The following TNIP3 variants were observed in gnomAD, a reference collection of about 807,000 sequenced individuals.
TNIP3 encodes TNFAIP3 interacting protein 3.
A neutral mutation model predicts 54.1 loss-of-function variants in TNIP3; 34 were observed. The ratio of observed to expected loss-of-function variants is 0.63; its 90% CI spans 0.48 to 0.84. The LOEUF is 0.84. TNIP3 is among the 40% of genes least tolerant of loss of function. The pLI, the probability that TNIP3 is intolerant of heterozygous loss-of-function variation, is 0.00. For missense variants in TNIP3, 366 were observed against 387.6 expected, an observed-to-expected ratio of 0.94 and a Z score of 0.47; for synonymous variants, 134 against 136.8, an observed-to-expected ratio of 0.98 and a Z score of 0.14.
At chr4:121,215,481 A>G (rs984054491) in intron 2 of TNIP3, among the ~76,000 whole-genome samples, 2 of 152,156 alleles carry the variant, frequency 1.3e-5, no homozygotes, top group Non-Finnish European at 1.5e-5. Flanking sequence ...TCTTTTTACT[A>G]CACACCACCT....
chr4:121,177,651 AG>A (rs1277963662), intron 3 of TNIP3, among the ~76,000 whole-genome samples: 1 of 152,220 alleles, frequency 6.6e-6, no homozygotes, highest in Non-Finnish European at 1.5e-5. Flanking sequence ...AACTTCATTC[AG>A]TGTGAAAACA....
chr4:121,153,132 G>C (rs894018684), intron 5 of TNIP3, among the ~76,000 whole-genome samples: 1 of 151,986 alleles, frequency 6.6e-6, no homozygotes, highest in Non-Finnish European at 1.5e-5. Flanking sequence ...TTTTCTCATT[G>C]AGATTTTATA....
upstream of TNIP3, among the ~76,000 whole-genome samples, chr4:121,217,967 G>A (rs957546119): frequency 1.3e-5 from 2 of 152,106 alleles, no homozygotes; most frequent in African/African-American, 4.8e-5. Context: ...GAACTCCAGA[G>A]AAAACAAATG....
At chr4:121,138,426 C>G (rs560226040) in intron 10 of TNIP3, among the ~76,000 whole-genome samples, 198 bp downstream of exon 10, 52 of 152,252 alleles carry the variant, frequency 3.4e-4, no homozygotes, top group Non-Finnish European at 7.1e-4. Context: ...GAGGTTCATG[C>G]ATTTCTGCAT....
intron 2 of TNIP3, among the ~76,000 whole-genome samples, chr4:121,199,857 G>A (rs1271988198): frequency 6.6e-6 from 1 of 152,202 alleles, no homozygotes; most frequent in East Asian, 1.9e-4. Context: ...GTAGGTTGCT[G>A]TGTAACAGCA....
chr4:121,189,765 T>G (rs370953247), intron 2 of TNIP3, among the ~76,000 whole-genome samples: 3 of 152,362 alleles, frequency 2.0e-5, no homozygotes, highest in South Asian at 4.1e-4. Flanking sequence ...GAATTGTATT[T>G]GCATGTCTGA....
intron 9 of TNIP3, among the ~76,000 whole-genome samples, chr4:121,141,159 T>C (rs768922795): frequency 2.0e-5 from 3 of 152,156 alleles, no homozygotes; most frequent in Non-Finnish European, 4.4e-5. Context: ...TTTCTATCTA[T>C]GTAGGCAAAA....
chr4:121,179,215 G>A (rs1724540804), intron 3 of TNIP3, among the ~76,000 whole-genome samples: 1 of 152,186 alleles, frequency 6.6e-6, no homozygotes, highest in South Asian at 2.1e-4. Flanking sequence ...ATAGCAGAAT[G>A]TATAGAAGAC....
At chr4:121,157,336 G>T in intron 3 of TNIP3, 93 bp from the exon 4 acceptor site, 4 of 1,534,328 alleles carry the variant, frequency 2.6e-6, no homozygotes, top group East Asian at 4.5e-5. Flanking sequence ...TGGCAGAAAC[G>T]CCCCACCCCA....
chr4:121,139,837 C>T (rs1442316459), intron 9 of TNIP3, among the ~76,000 whole-genome samples: 8 of 152,164 alleles, frequency 5.3e-5, no homozygotes, highest in South Asian at 2.1e-4. Context: ...GGATAAGTGA[C>T]GTGAGCCTCA....
chr4:121,214,538 G>A (rs542468871), intron 2 of TNIP3, among the ~76,000 whole-genome samples: 9 of 152,278 alleles, frequency 5.9e-5, no homozygotes, highest in African/African-American at 2.2e-4. Flanking sequence ...AATATGGAGA[G>A]GTGGCCGGGT....
chr4:121,169,119 C>A (rs1421494863), upstream of TNIP3, among the ~76,000 whole-genome samples: 2 of 152,104 alleles, frequency 1.3e-5, no homozygotes, highest in East Asian at 1.9e-4. Context: ...TGCTCAGAAC[C>A]TTTCAGTGGC....
At chr4:121,216,739 A>G, upstream of TNIP3, 1 of 783,974 alleles carries the variant, frequency 1.3e-6, no homozygotes. Context: ...CAGTGAGTTA[A>G]GGAAGAATCT....
intron 10 of TNIP3, chr4:121,137,782 A>G (rs925274398): frequency 5.6e-6 from 2 of 357,110 alleles, no homozygotes; most frequent in East Asian, 1.5e-4. Context: ...AAATTAGACT[A>G]CATAGCTCAT....
intron 7 of TNIP3, 148 bp downstream of exon 7, chr4:121,146,901 A>G: frequency 1.3e-6 from 1 of 759,590 alleles, no homozygotes; most frequent in Non-Finnish European, 1.9e-6. Context: ...ATCTCTTTAC[A>G]AGATTGTTTA....
In TNIP3 at chr4:121,157,135, T is replaced by C. The variant is rs749368410; in HGVS notation, c.322A>G (p.Arg108Gly). 14 of 1,613,250 alleles carry C rather than the reference T, an allele frequency of 8.7e-6. No individual in the cohort carries two copies. Among genetic ancestry groups the C allele is most frequent in the Admixed American group, 3.3e-5 (2 of 59,936 alleles). Residue 108 changes from arginine to glycine, a missense_variant, in exon 4 of 11, where the codon AGG becomes GGG. Physicochemically the swap from Arg to Gly is moderately radical, Grantham distance 125 (BLOSUM62 -2). Transcript: ENST00000057513. ...CGGTCCCGGGTCAGGTCGCGCTGCC[T>C]GTCGTCCTCTCTCTGCCTGTCGTCC... ...RKDDRQREDD[R>G]QRDLTRDRLQ...
At chr4:121,171,732 T>G (rs1457766070) in intron 3 of TNIP3, among the ~76,000 whole-genome samples, 1 of 152,086 alleles carries the variant, frequency 6.6e-6, no homozygotes, top group East Asian at 1.9e-4. Context: ...CTTTTTGTTT[T>G]GTTTTGTTTT....
rs533273405 is a variant in TNIP3 at position 121,141,912 on chromosome 4, C to T, written c.789G>A (p.Met263Ile). The T allele has an allele frequency of 3.1e-6, 5 of 1,591,322 alleles. No individual in the cohort carries two copies. In the Admixed American group the frequency reaches 8.7e-5, roughly 28 times the overall value. ...KEKLEKQLKQMYCPPCNCGLV... is the reference protein window; with the variant it reads ...KEKLEKQLKQIYCPPCNCGLV... The stretch of plus-strand genomic sequence containing the variant: ...AGCCGCAGTTACAGGGTGGGCAATA[C>T]ATCTGAGGAGAACAAAACTGTGGGG... Residue 263 changes from methionine (M) to isoleucine (I), a missense_variant and splice_region_variant, in exon 9 of 11, where the codon ATG (methionine) becomes ATA (isoleucine). Coordinates refer to ENST00000057513, the MANE Select transcript of TNIP3 (RefSeq NM_024873.6).
At chr4:121,172,444 A>T (rs1413237252) in intron 3 of TNIP3, among the ~76,000 whole-genome samples, 1 of 152,182 alleles carries the variant, frequency 6.6e-6, no homozygotes, top group Non-Finnish European at 1.5e-5. Context: ...GGCCAATGAA[A>T]AAACCCGTAA....
Sources: allele counts gnomAD v4.1 joint callset (sites outside exome capture counted in the v4.1 genomes callset), GRCh38; gene constraint gnomAD v4.1.1; transcripts MANE v1.5; gene names NCBI Gene and HGNC (gene_info 2026-07-23, HGNC 2026-07-21).